The following FRMD3 variants were observed in gnomAD, a reference collection of about 807,000 sequenced individuals.
The protein encoded by FRMD3 is FERM domain containing 3, also known as FERM domain-containing protein 3.
FRMD3 carries 33 observed loss-of-function variants against 70.2 expected under a neutral mutation model. That is an observed-to-expected ratio of 0.47 (90% confidence interval 0.36 to 0.63). FRMD3 has a LOEUF of 0.63. Ranked by LOEUF, FRMD3 falls within the 20% of genes least tolerant of loss-of-function variation. FRMD3 has a pLI of 0.00. For synonymous variants in FRMD3, 279 were observed against 255.9 expected (o/e 1.09, Z -0.86); for missense variants, 632 against 711.4 (o/e 0.89, Z 1.27).
At chr9:83,469,849 G>C (rs892446115) in intron 1 of FRMD3, among the ~76,000 whole-genome samples, 3 of 152,242 alleles carry the variant, frequency 2.0e-5, no homozygotes. Context: ...AGAAAACTAA[G>C]ATGGGGGGCG....
chr9:83,363,740 G>A (rs1231830074), intron 3 of FRMD3, among the ~76,000 whole-genome samples: 38 of 152,174 alleles, frequency 2.5e-4, no homozygotes, highest in Admixed American at 2.5e-3. Context: ...ATTTTTAGTA[G>A]AGACGGGGTT....
intron 8 of FRMD3, 76 bp downstream of exon 8, chr9:83,311,811 C>T: frequency 9.9e-7 from 1 of 1,007,688 alleles, no homozygotes; most frequent in Non-Finnish European, 1.6e-6. Context: ...CTGACACTTG[C>T]CCGAGAAGCC....
chr9:83,247,895 C>T lies in FRMD3; in HGVS notation c.*23G>A. ...GAAATCACTAGCATTGAATATAGCC[C>T]TTAGTCACGTGAGAGATTAACTTCA... On this transcript the variant is annotated 3_prime_UTR_variant, in exon 14 of 14. Transcript: ENST00000304195. The T allele has an allele frequency of 6.2e-7, 1 of 1,610,450 alleles. No individual in the cohort carries two copies. The highest frequency in any genetic ancestry group is 8.5e-7 in the Non-Finnish European group (1 of 1,177,440).
At chr9:83,251,036 T>G (rs563235755) in intron 13 of FRMD3, among the ~76,000 whole-genome samples, 1 of 152,348 alleles carries the variant, frequency 6.6e-6, no homozygotes, top group Admixed American at 6.5e-5. Context: ...TGGGTGGGTC[T>G]GTGAGCCCAG....
At chr9:83,528,541 T>G (rs1158180915) in intron 1 of FRMD3, among the ~76,000 whole-genome samples, 1 of 152,146 alleles carries the variant, frequency 6.6e-6, no homozygotes, top group East Asian at 1.9e-4. Context: ...ACCAGCAATT[T>G]TTTTTTTTGA....
At chr9:83,474,512 T>C (rs928160183) in intron 1 of FRMD3, among the ~76,000 whole-genome samples, 1 of 152,188 alleles carries the variant, frequency 6.6e-6, no homozygotes, top group African/African-American at 2.4e-5. Flanking sequence ...ATCTCTCACC[T>C]GCACGTTTAA....
intron 13 of FRMD3, among the ~76,000 whole-genome samples, chr9:83,266,338 C>A: frequency 6.6e-6 from 1 of 152,272 alleles, no homozygotes; most frequent in African/African-American, 2.4e-5. Flanking sequence ...GAGATATAGC[C>A]AATTACAGAC....
At position 83,245,658 on chromosome 9, in the gene FRMD3, AAAT is replaced by A; in HGVS notation, c.*2257_*2259del. The A allele has an allele frequency of 1.2e-6, 1 of 855,522 alleles. No homozygotes were observed. Among genetic ancestry groups the A allele is most frequent in the Non-Finnish European group, 1.4e-6 (1 of 711,638 alleles). The allele number at this position is 855,522 out of a possible 1,614,324, so 53.0% of individuals were successfully genotyped here. A position where few individuals can be genotyped will look rare whatever the true frequency, so the allele number is the denominator to read the frequency against. On this transcript the variant is annotated 3_prime_UTR_variant, in exon 14 of 14. Coordinates refer to ENST00000304195, the MANE Select transcript of FRMD3 (RefSeq NM_174938.6). ...AAATATATTAGTTCCATAATTTAAA[AAAT>A]ATTATATAATATTATTTTGAAAGAC...
chr9:83,461,665 C>CT lies in FRMD3; in HGVS notation c.148-71958dup, dbSNP rs200147815. Among the ~76,000 whole-genome samples the CT allele has an allele frequency of 3.2e-3, 224 of 70,690 alleles. 29 individuals are homozygous for CT. Among genetic ancestry groups the CT allele is most frequent in the Non-Finnish European group, 4.0e-3 (154 of 38,836 alleles). 46.4% of individuals were successfully genotyped at this position (70,690 alleles called of 152,430 possible). ...AATCTTAATTCCTTCAGGAATTTCC[C>CT]TTTTTTTTTTTTTTTTTTTTTTTTT... On this transcript the variant is annotated intron_variant, in intron 1 of 13. Transcript: ENST00000304195.
At chr9:83,331,328 T>C (rs995136076) in intron 6 of FRMD3, among the ~76,000 whole-genome samples, 1 of 152,190 alleles carries the variant, frequency 6.6e-6, no homozygotes, top group African/African-American at 2.4e-5. Flanking sequence ...TGCATATTAC[T>C]GAGTGAAAGA....
At chr9:83,573,524 T>G in the FRMD3 span, among the ~76,000 whole-genome samples, 4 of 152,112 alleles carry the variant, frequency 2.6e-5, no homozygotes, top group African/African-American at 9.7e-5. Context: ...AAAAACCTAA[T>G]GGCAAGAAAT....
chr9:83,418,994 A>T (rs1019528933), intron 1 of FRMD3, among the ~76,000 whole-genome samples: 1 of 152,202 alleles, frequency 6.6e-6, no homozygotes, highest in South Asian at 2.1e-4. Context: ...AGCAACTTGG[A>T]TGGAGCTGGA....
chr9:83,449,511 C>G (rs975310549), intron 1 of FRMD3, among the ~76,000 whole-genome samples: 2 of 152,166 alleles, frequency 1.3e-5, no homozygotes, highest in Non-Finnish European at 2.9e-5. Flanking sequence ...AATTGGAGGA[C>G]AGGACTTCAG....
At chr9:83,530,278 G>A (rs536308249) in intron 1 of FRMD3, among the ~76,000 whole-genome samples, 4 of 152,184 alleles carry the variant, frequency 2.6e-5, no homozygotes, top group Non-Finnish European at 5.9e-5. Flanking sequence ...ATATATCTAT[G>A]CAATGGACTG....
chr9:83,363,490 C>T (rs991828659), intron 3 of FRMD3, among the ~76,000 whole-genome samples: 4 of 150,024 alleles, frequency 2.7e-5, no homozygotes, highest in Admixed American at 1.3e-4. Context: ...TATACCTGTG[C>T]GTGAATAAAT....
At chr9:83,560,371 A>C in the FRMD3 span, among the ~76,000 whole-genome samples, 2 of 152,334 alleles carry the variant, frequency 1.3e-5, no homozygotes, top group Admixed American at 1.3e-4. Flanking sequence ...TTATAAGAAG[A>C]ACATGCCCCA....
At chr9:83,357,957 G>T (rs1457625304) in intron 3 of FRMD3, among the ~76,000 whole-genome samples, 1 of 152,104 alleles carries the variant, frequency 6.6e-6, no homozygotes, top group Non-Finnish European at 1.5e-5. Context: ...GTTTGTTTTT[G>T]TTGCACTTGC....
intron 1 of FRMD3, among the ~76,000 whole-genome samples, chr9:83,404,258 A>G (rs1267275698): frequency 6.6e-6 from 1 of 152,184 alleles, no homozygotes; most frequent in Non-Finnish European, 1.5e-5. Flanking sequence ...CAGCAACTCA[A>G]GCTGAGGGTG....
intron 12 of FRMD3, among the ~76,000 whole-genome samples, chr9:83,292,561 A>G (rs1834475832): frequency 6.6e-6 from 1 of 152,240 alleles, no homozygotes; most frequent in African/African-American, 2.4e-5. Context: ...ATATCTATGT[A>G]TAATCCACTA....
Sources: allele counts gnomAD v4.1 joint callset (sites outside exome capture counted in the v4.1 genomes callset), GRCh38; gene constraint gnomAD v4.1.1; transcripts MANE v1.5; gene names NCBI Gene and HGNC (gene_info 2026-07-23, HGNC 2026-07-21).